Variants in PARN observed in about 807,000 individuals in gnomAD.
The protein encoded by PARN is poly(A)-specific ribonuclease.
In PARN, 71 loss-of-function variants were observed where a neutral mutation model predicts 102.8. That is an observed-to-expected ratio of 0.69 (90% CI 0.57 to 0.84). The LOEUF is 0.84. Among genes scored for constraint, PARN ranks in the 40% least tolerant of loss-of-function variants. The pLI is 0.00. For synonymous variants in PARN, 261 were observed against 252.9 expected (o/e 1.03, Z -0.30); for missense variants, 782 against 760.9 (o/e 1.03, Z -0.33).
chr16:14,443,310 A>G (rs1961027568), intron 23 of PARN, among the ~76,000 whole-genome samples: 1 of 152,086 alleles, frequency 6.6e-6, no homozygotes, highest in Non-Finnish European at 1.5e-5. Flanking sequence ...AGAAAAAATT[A>G]AAAGAAAAAG....
chr16:14,565,626 T>C (rs1276062206), intron 18 of PARN, among the ~76,000 whole-genome samples: 1 of 152,268 alleles, frequency 6.6e-6, no homozygotes, highest in Non-Finnish European at 1.5e-5. Flanking sequence ...TTACAGTCTG[T>C]GCTCAGGCCA....
chr16:14,480,201 C>A (rs1277657096), intron 22 of PARN, among the ~76,000 whole-genome samples: 1 of 151,808 alleles, frequency 6.6e-6, no homozygotes, highest in East Asian at 1.9e-4. Context: ...GGCGTGGTGG[C>A]GCACATCTGT....
In PARN at chr16:14,446,869, G is replaced by A. The variant is rs771533054; in HGVS notation, c.1864+19C>T. 45 of 1,587,190 alleles carry A rather than the reference G, an allele frequency of 2.8e-5. No individual in the cohort carries two copies. Among genetic ancestry groups the A allele is most frequent in the Middle Eastern group, 1.8e-4 (1 of 5,670 alleles). ...AAATAGTCCACGGCCCCAGAACTTC[G>A]GCAAGATCCAATACAAACCTGCTGG... is the stretch of plus-strand genomic sequence containing the variant. On this transcript the variant is annotated intron_variant, in intron 23 of 23. Coordinates refer to ENST00000437198, the MANE Select transcript of PARN (RefSeq NM_002582.4).
At chr16:14,629,516 A>C (rs1372480453) in intron 2 of PARN, 81 bp downstream of exon 2, 1 of 1,023,952 alleles carries the variant, frequency 9.8e-7, no homozygotes, top group Non-Finnish European at 1.5e-6. Context: ...CACCAAGCAT[A>C]AGAAGTTGGG....
intron 21 of PARN, among the ~76,000 whole-genome samples, chr16:14,542,555 A>T (rs1475325393): frequency 6.9e-6 from 1 of 145,016 alleles, no homozygotes; most frequent in Non-Finnish European, 1.6e-5. Context: ...GTGGCCAGGA[A>T]CTCAAAAAAA....
chr16:14,483,168 G>A (rs371688193), intron 21 of PARN, among the ~76,000 whole-genome samples: 27 of 152,242 alleles, frequency 1.8e-4, no homozygotes, highest in African/African-American at 6.0e-4. Flanking sequence ...CATTTTCAGA[G>A]TAACAAAATG....
chr16:14,575,964 T>A lies in PARN; in HGVS notation c.1262+4910A>T, dbSNP rs561815033. On this transcript the variant is annotated intron_variant, in intron 18 of 23. Transcript: ENST00000437198. ...TCTGATGGTTTTAAAAATGGGAGTG[T>A]CCCTGCACAAGCTCTCTTCTCATCT... is the stretch of plus-strand genomic sequence containing the variant. 3.5e-4 allele frequency: 54 copies of A among 152,878 alleles called. 1 individual carries two copies. Among genetic ancestry groups the A allele is most frequent in the Non-Finnish European group, 5.4e-4 (37 of 68,620 alleles). The allele number at this position is 152,878 out of a possible 1,614,324, so 9.5% of individuals were successfully genotyped here. A position where few individuals can be genotyped will look rare whatever the true frequency, so the allele number is the denominator to read the frequency against.
At chr16:14,609,450 G>T (rs1447759074) in intron 7 of PARN, among the ~76,000 whole-genome samples, 1 of 151,942 alleles carries the variant, frequency 6.6e-6, no homozygotes, top group African/African-American at 2.4e-5. Context: ...GTGTAACTGT[G>T]GTCCCAGCTA....
chr16:14,616,892 CTT>C lies in PARN; in HGVS notation c.388+696_388+697del, dbSNP rs558708182. ...CAGGACATTTCTAAACTACATACCT[CTT>C]GTTACACTGGAAGAAAACAAGGAAG... is the stretch of plus-strand genomic sequence containing the variant. On this transcript the variant is annotated intron_variant, in intron 6 of 23. Transcript: ENST00000437198. Among the ~76,000 whole-genome samples the C allele has an allele frequency of 5.6e-3, 846 of 152,180 alleles. 5 individuals carry two copies. Among genetic ancestry groups the C allele is most frequent in the Non-Finnish European group, 9.5e-3 (648 of 68,004 alleles).
intron 21 of PARN, among the ~76,000 whole-genome samples, chr16:14,530,431 T>C (rs1003047955): frequency 6.6e-6 from 1 of 152,034 alleles, no homozygotes; most frequent in African/African-American, 2.4e-5. Flanking sequence ...TCTCCTGAAG[T>C]GCCTGAGTTC....
intron 18 of PARN, among the ~76,000 whole-genome samples, chr16:14,573,884 T>C (rs1023366520): frequency 3.9e-5 from 6 of 152,188 alleles, no homozygotes; most frequent in African/African-American, 1.4e-4. Flanking sequence ...CTTTTGTAAA[T>C]TGCCCAGTCT....
chr16:14,593,997 A>C (rs1341204176), intron 12 of PARN, among the ~76,000 whole-genome samples: 2 of 146,250 alleles, frequency 1.4e-5, no homozygotes, highest in Non-Finnish European at 3.0e-5. Flanking sequence ...ACCCCGTCTC[A>C]AAAAAAAAAA....
intron 22 of PARN, among the ~76,000 whole-genome samples, chr16:14,480,251 C>G (rs953014560): frequency 1.3e-5 from 2 of 152,142 alleles, no homozygotes; most frequent in African/African-American, 4.8e-5. Flanking sequence ...TCACTTGAAC[C>G]TGAGAGGCAG....
At chr16:14,581,647 C>A (rs781779585) in intron 17 of PARN, among the ~76,000 whole-genome samples, 4 of 152,082 alleles carry the variant, frequency 2.6e-5, no homozygotes, top group Non-Finnish European at 5.9e-5. Context: ...AGGCTGGGTG[C>A]GGTGGCTCAA....
chr16:14,616,926 C>G (rs1188747406), intron 6 of PARN, among the ~76,000 whole-genome samples: 1 of 152,028 alleles, frequency 6.6e-6, no homozygotes, highest in Non-Finnish European at 1.5e-5. Flanking sequence ...GAAGCACTCC[C>G]CACAGGTGGT....
intron 22 of PARN, among the ~76,000 whole-genome samples, chr16:14,481,954 C>A (rs541086426): frequency 1.1e-4 from 17 of 152,116 alleles, no homozygotes; most frequent in African/African-American, 4.1e-4. Context: ...ATCTACAGGA[C>A]CTGAAAGCTC....
At chr16:14,548,939 A>C (rs980198218) in intron 21 of PARN, among the ~76,000 whole-genome samples, 1 of 150,658 alleles carries the variant, frequency 6.6e-6, no homozygotes, top group Admixed American at 6.6e-5. Flanking sequence ...GGGCAAAAGA[A>C]ATGACCCTGT....
At chr16:14,573,222 TTGA>T (rs1350591189) in intron 18 of PARN, among the ~76,000 whole-genome samples, 1 of 152,228 alleles carries the variant, frequency 6.6e-6, no homozygotes, top group Non-Finnish European at 1.5e-5. Context: ...ATTGTATATA[TTGA>T]TATGTACAAC....
chr16:14,510,562 C>CA (rs1199317933), intron 21 of PARN, among the ~76,000 whole-genome samples: 1 of 152,128 alleles, frequency 6.6e-6, no homozygotes, highest in African/African-American at 2.4e-5. Flanking sequence ...GAAAAAAACT[C>CA]AGAGACTCAA....
Sources: gnomAD v4.1 joint callset for allele counts (sites outside exome capture counted in the v4.1 genomes callset) on GRCh38, gnomAD v4.1.1 for gene constraint, MANE v1.5 for transcripts, NCBI Gene and HGNC (gene_info 2026-07-23, HGNC 2026-07-21) for gene names.